Variants in LETM1 observed in about 807,000 individuals in gnomAD.
LETM1 encodes leucine zipper and EF-hand containing transmembrane protein 1.
A neutral mutation model predicts 74.5 loss-of-function variants in LETM1; 50 were observed. The ratio of observed to expected loss-of-function variants is 0.67; its 90% CI spans 0.53 to 0.85. The LOEUF (loss-of-function observed/expected upper bound fraction) is 0.85. LETM1 is among the 40% of genes least tolerant of loss of function. The pLI, the probability that LETM1 is intolerant of heterozygous loss-of-function variation, is 0.00. For missense variants in LETM1, 824 were observed against 967.8 expected, an observed-to-expected ratio of 0.85 and a Z score of 1.97; for synonymous variants, 446 against 407.1, an observed-to-expected ratio of 1.10 and a Z score of -1.15.
rs1439188681 is a variant in LETM1 at position 1,823,060 on chromosome 4, G to C, written c.1404C>G (p.Ala468=). 1 of 1,610,202 alleles carries C rather than the reference G, an allele frequency of 6.2e-7. No individual in the cohort carries two copies. The highest frequency in any genetic ancestry group is 1.3e-5 in the African/African-American group (1 of 74,744). Residue 468 remains alanine, a synonymous_variant, in exon 9 of 14, where the codon GCC becomes GCG. Coordinates refer to ENST00000302787, the MANE Select transcript of LETM1 (RefSeq NM_012318.3). ...GGATGGCCGCCTCCTCCTGCAGCGT[G>C]GCCTCCAGCTTGGCCTTGTTGTCCA... ...EQVDNKAKLE[A]TLQEEAAIQQ...
At chr4:1,831,337 GTGC>G (rs1560490960) in intron 6 of LETM1, among the ~76,000 whole-genome samples, 1 of 152,252 alleles carries the variant, frequency 6.6e-6, no homozygotes, top group Non-Finnish European at 1.5e-5. Flanking sequence ...CGGGACAGCG[GTGC>G]TGCTTGCTAC....
chr4:1,819,957 A>C (rs1711717691), intron 10 of LETM1, among the ~76,000 whole-genome samples: 1 of 152,072 alleles, frequency 6.6e-6, no homozygotes, highest in Non-Finnish European at 1.5e-5. Context: ...TTGTTTTTTG[A>C]GACAGGGTCT....
chr4:1,840,077 A>C (rs923955384), intron 3 of LETM1, among the ~76,000 whole-genome samples: 1 of 152,208 alleles, frequency 6.6e-6, no homozygotes, highest in South Asian at 2.1e-4. Context: ...AAAACAAAAC[A>C]ATTTAAAAAC....
At chr4:1,850,441 A>G (rs1713029035) in intron 1 of LETM1, among the ~76,000 whole-genome samples, 1 of 152,152 alleles carries the variant, frequency 6.6e-6, no homozygotes, top group Admixed American at 6.6e-5. Flanking sequence ...TCTGGTGGAA[A>G]CATGACCTCT....
chr4:1,850,722 TG>T (rs1474256752), intron 1 of LETM1, among the ~76,000 whole-genome samples: 9 of 151,512 alleles, frequency 5.9e-5, no homozygotes, highest in Non-Finnish European at 1.3e-4. Context: ...CCCAGCACTT[TG>T]GGAGGCTGAG....
At chr4:1,839,406 A>C (rs62286989) in intron 3 of LETM1, 1,601 of 152,490 alleles carry the variant, frequency 0.01, 21 homozygotes, top group South Asian at 0.016. Context: ...CCCTCCCAGG[A>C]AACAGCAGTG....
chr4:1,849,794 T>C (rs1713007739), intron 1 of LETM1, among the ~76,000 whole-genome samples: 1 of 152,140 alleles, frequency 6.6e-6, no homozygotes, highest in Admixed American at 6.5e-5. Context: ...GCGACCCTCC[T>C]GCATTGGTCT....
intron 1 of LETM1, among the ~76,000 whole-genome samples, chr4:1,850,193 T>C (rs1316128307): frequency 3.3e-5 from 5 of 152,064 alleles, no homozygotes; most frequent in African/African-American, 1.2e-4. Context: ...CAGATCTCTT[T>C]TGTAGAAACC....
In LETM1 at chr4:1,832,776, T is replaced by C. The variant is rs768239258; in HGVS notation, c.1048A>G (p.Met350Val). The change falls in exon 6 of 14, where the codon ATG (methionine) becomes GTG (valine). Residue 350 changes from methionine (M) to valine (V), a missense_variant. Transcript: ENST00000302787. ...TNNFLRFQLT[M>V]RLRSIKADDK... ...TCTGCCTTTATGGAGCGCAGCCGCA[T>C]GGTAAGCTGGAAGCGCAGGAAGTTG... The C allele has an allele frequency of 5.0e-6, 8 of 1,614,170 alleles. No individual in the cohort carries two copies. Among genetic ancestry groups the C allele is most frequent in the Non-Finnish European group, 6.8e-6 (8 of 1,180,036 alleles).
Position 1,849,131 on chromosome 4 carries a change from T to C in LETM1, c.143+18A>G. On this transcript the variant is annotated intron_variant, in intron 2 of 13. Coordinates refer to ENST00000302787, the MANE Select transcript of LETM1 (RefSeq NM_012318.3). ...TGTTTTCAAACAGACAGGTGCAGAG[T>C]GATACTGATTTACTCACAGGCAGTT... 6.3e-7 allele frequency: 1 copy of C among 1,589,148 alleles called. No individual in the cohort carries two copies. The highest frequency in any genetic ancestry group is 1.1e-5 in the South Asian group (1 of 90,572).
intron 2 of LETM1, among the ~76,000 whole-genome samples, chr4:1,845,809 C>T (rs1478144813): frequency 6.6e-6 from 1 of 150,842 alleles, no homozygotes; most frequent in Non-Finnish European, 1.5e-5. Context: ...GGATTACAGG[C>T]ATGAGATTAC....
chr4:1,854,559 C>G (rs1329815098), intron 1 of LETM1, among the ~76,000 whole-genome samples: 2 of 150,008 alleles, frequency 1.3e-5, no homozygotes, highest in Non-Finnish European at 3.0e-5. Context: ...TTTGGGAGGC[C>G]GAGGTGGGTG....
Position 1,814,315 on chromosome 4 carries a change from C to A in LETM1, c.*109G>T, listed in dbSNP as rs1722547761. The A allele has an allele frequency of 2.0e-6, 3 of 1,522,974 alleles. No individual in the cohort carries two copies. The highest frequency in any genetic ancestry group is 1.2e-5 in the South Asian group (1 of 83,990). The allele number at this position is 1,522,974 out of a possible 1,614,324, so 94.3% of individuals were successfully genotyped here. A position where few individuals can be genotyped will look rare whatever the true frequency, so the allele number is the denominator to read the frequency against. On this transcript the variant is annotated 3_prime_UTR_variant, in exon 14 of 14. Coordinates refer to ENST00000302787, the MANE Select transcript of LETM1 (RefSeq NM_012318.3). ...TGATTATGGAAGTCTCTGATTTATT[C>A]CAGCCAAAATATTAGATGAGCCACT...
In LETM1 at chr4:1,832,852, C is replaced by T. The variant is rs750387749; in HGVS notation, c.972G>A (p.Pro324=). Reference sequence around the variant, plus strand: ...GCAGCTTGCACAGGGCCACCAGCTGCGGCCGTGTCAGGTTGTCCAGGGTCA... The same window carrying T: ...GCAGCTTGCACAGGGCCACCAGCTGTGGCCGTGTCAGGTTGTCCAGGGTCA... ...DELTLDNLTR[P]QLVALCKLLE... Residue 324 remains proline, a synonymous_variant, in exon 6 of 14, where the codon CCG becomes CCA. Coordinates refer to ENST00000302787, the MANE Select transcript of LETM1 (RefSeq NM_012318.3). 15 of 1,613,840 alleles carry T rather than the reference C, an allele frequency of 9.3e-6. No individual in the cohort carries two copies. Among genetic ancestry groups the T allele is most frequent in the Middle Eastern group, 3.4e-4 (2 of 5,970 alleles).
chr4:1,816,733 G>C lies in LETM1; in HGVS notation c.1925C>G (p.Pro642Arg). 1 of 1,613,942 alleles carries C rather than the reference G, an allele frequency of 6.2e-7. No individual in the cohort carries two copies. The highest frequency in any genetic ancestry group is 8.5e-7 in the Non-Finnish European group (1 of 1,179,840). Residue 642 changes from proline to arginine, a missense_variant, in exon 12 of 14, where the codon CCC becomes CGC. Pro to Arg is a moderately radical substitution (Grantham distance 103, BLOSUM62 -2). Around this residue, in one of 4 missense-constraint regions of LETM1, gnomAD observed 161 missense variants for 252.7 expected, o/e 0.64. Coordinates refer to ENST00000302787, the MANE Select transcript of LETM1 (RefSeq NM_012318.3). Reference sequence around the variant, plus strand: ...CGCCCACCACCCCACTCACCCCGTGGGCATGCCGTTGGCCGGGGCCAGCTT... The same window carrying C: ...CGCCCACCACCCCACTCACCCCGTGCGCATGCCGTTGGCCGGGGCCAGCTT... ...AGKLAPANGMPTGENVISVAE... is the reference protein window; with the variant it reads ...AGKLAPANGMRTGENVISVAE...
chr4:1,815,932 C>T (rs1414869501), intron 12 of LETM1, 130 bp from the exon 13 acceptor site: 19 of 1,044,758 alleles, frequency 1.8e-5, no homozygotes, highest in African/African-American at 3.1e-5. Flanking sequence ...CAACCTCCAG[C>T]ACGGACCCCC....
chr4:1,818,298 G>C (rs897255525), intron 11 of LETM1, among the ~76,000 whole-genome samples: 1 of 152,086 alleles, frequency 6.6e-6, no homozygotes, highest in African/African-American at 2.4e-5. Context: ...TCCCAACAGA[G>C]CTATGAAAAC....
At chr4:1,853,200 C>A (rs1196073571) in intron 1 of LETM1, among the ~76,000 whole-genome samples, 1 of 151,914 alleles carries the variant, frequency 6.6e-6, no homozygotes, top group Non-Finnish European at 1.5e-5. Context: ...CCACCTCTCC[C>A]ACACAGCCCT....
chr4:1,815,560 G>T, intron 13 of LETM1, 104 bp downstream of exon 13: 1 of 1,295,766 alleles, frequency 7.7e-7, no homozygotes, highest in Non-Finnish European at 1.1e-6. Flanking sequence ...ACAGGAGGGG[G>T]TAGCTGCCCA....
Sources: gnomAD v4.1 joint callset for allele counts (sites outside exome capture counted in the v4.1 genomes callset) on GRCh38, gnomAD v4.1.1 for gene constraint, gnomAD v4.1.1 regional missense constraint, MANE v1.5 for transcripts, NCBI Gene and HGNC (gene_info 2026-07-23, HGNC 2026-07-21) for gene names.